The following UBE2Q2 variants were observed in gnomAD, a reference collection of about 807,000 sequenced individuals.
UBE2Q2 encodes the protein ubiquitin conjugating enzyme E2 Q2, also known as ubiquitin-conjugating enzyme E2 Q2.
UBE2Q2 carries 54 observed loss-of-function variants against 59.9 expected under a neutral mutation model. The ratio of observed to expected loss-of-function variants is 0.90; its 90% CI spans 0.72 to 1.13. The LOEUF (loss-of-function observed/expected upper bound fraction) is 1.13, where lower values mean the gene tolerates loss of function less well. UBE2Q2 is among the 50% of genes most tolerant of loss of function. The pLI, the probability that UBE2Q2 is intolerant of heterozygous loss-of-function variation, is 0.00. For synonymous variants in UBE2Q2, 165 were observed against 155.2 expected, an observed-to-expected ratio of 1.06 and a Z score of -0.47; for missense variants, 433 against 441.9, an observed-to-expected ratio of 0.98 and a Z score of 0.18.
chr15:75,875,850 A>G (rs192696542), intron 5 of UBE2Q2, among the ~76,000 whole-genome samples: 2 of 152,140 alleles, frequency 1.3e-5, no homozygotes, highest in Non-Finnish European at 2.9e-5. Context: ...CCACGAGGTC[A>G]AGAGATTGAG....
chr15:75,861,116 G>A (rs1339145424), intron 3 of UBE2Q2, among the ~76,000 whole-genome samples: 4 of 152,122 alleles, frequency 2.6e-5, no homozygotes, highest in Admixed American at 1.3e-4. Context: ...CTATGTTTTG[G>A]GGGAACTATG....
intron 12 of UBE2Q2, among the ~76,000 whole-genome samples, chr15:75,898,209 T>C (rs1454739230): frequency 6.6e-6 from 1 of 152,194 alleles, no homozygotes; most frequent in African/African-American, 2.4e-5. Flanking sequence ...TCTTCTTATC[T>C]TTGTTTTTAT....
Position 75,881,837 on chromosome 15 carries a change from C to G in UBE2Q2, c.826-1529C>G, listed in dbSNP as rs533387449. ...AGTCACTTTTTGGTGTTTCGGGCAGCATCTGAATTACTGAATTGAATTCTG... is the reference window on the plus strand; with the variant it reads ...AGTCACTTTTTGGTGTTTCGGGCAGGATCTGAATTACTGAATTGAATTCTG... On this transcript the variant is annotated intron_variant, in intron 8 of 12. Coordinates refer to ENST00000267938, the MANE Select transcript of UBE2Q2 (RefSeq NM_173469.4). Among the ~76,000 whole-genome samples the G allele has an allele frequency of 1.8e-4, 27 of 152,268 alleles. 1 individual carries two copies. In the South Asian group the frequency reaches 5.6e-3, roughly 32 times the overall value.
chr15:75,881,830 C>T (rs778258855), intron 8 of UBE2Q2, among the ~76,000 whole-genome samples: 12 of 152,074 alleles, frequency 7.9e-5, no homozygotes, highest in Non-Finnish European at 1.3e-4. Flanking sequence ...TTTGGTGTTT[C>T]GGGCAGCATC....
At chr15:75,881,653 G>A (rs1281599323) in intron 8 of UBE2Q2, among the ~76,000 whole-genome samples, 1 of 152,188 alleles carries the variant, frequency 6.6e-6, no homozygotes, top group Non-Finnish European at 1.5e-5. Flanking sequence ...TTGCAGGAAA[G>A]AGCCAGAACA....
At chr15:75,891,555 C>A (rs1899108763) in intron 11 of UBE2Q2, among the ~76,000 whole-genome samples, 1 of 149,226 alleles carries the variant, frequency 6.7e-6, no homozygotes, top group Non-Finnish European at 1.5e-5. Flanking sequence ...CTATTATTAT[C>A]TGCATTTTGT....
chr15:75,877,894 C>A, intron 6 of UBE2Q2, 67 bp from the exon 7 acceptor site: 1 of 1,468,662 alleles, frequency 6.8e-7, no homozygotes, highest in Non-Finnish European at 9.4e-7. Context: ...TTAGTGTATA[C>A]ATTTATACCA....
chr15:75,895,960 T>TG (rs1207397116), intron 11 of UBE2Q2, among the ~76,000 whole-genome samples: 5 of 152,216 alleles, frequency 3.3e-5, no homozygotes, highest in Non-Finnish European at 7.3e-5. Flanking sequence ...GAAACCCTGA[T>TG]GTCCACCAAT....
At chr15:75,877,124 G>T (rs890324262) in intron 6 of UBE2Q2, among the ~76,000 whole-genome samples, 1 of 114,316 alleles carries the variant, frequency 8.7e-6, no homozygotes, top group African/African-American at 3.3e-5. Context: ...TTGCACCACC[G>T]CACTCCAGCC....
Position 75,873,585 on chromosome 15 carries a change from A to C in UBE2Q2, c.588+17A>C. On this transcript the variant is annotated intron_variant, in intron 5 of 12. Coordinates refer to ENST00000267938, the MANE Select transcript of UBE2Q2 (RefSeq NM_173469.4). ...CATTTAAATGTAAGTGTGTGTAGAT[A>C]TCTAGAACCTGGACTTTTGTGGTTA... 6.3e-7 allele frequency: 1 copy of C among 1,594,428 alleles called. No homozygotes were observed. Among genetic ancestry groups the C allele is most frequent in the Non-Finnish European group, 8.5e-7 (1 of 1,173,576 alleles).
At chr15:75,858,533 T>C (rs1340206500) in intron 2 of UBE2Q2, among the ~76,000 whole-genome samples, 6 of 152,196 alleles carry the variant, frequency 3.9e-5, no homozygotes, top group Non-Finnish European at 8.8e-5. Flanking sequence ...TGTCTCTTAC[T>C]ATTTTCCCTG....
intron 8 of UBE2Q2, among the ~76,000 whole-genome samples, chr15:75,880,102 G>GT (rs760775861): frequency 2.9e-4 from 43 of 150,484 alleles, no homozygotes; most frequent in South Asian, 6.3e-4. Flanking sequence ...ATTTAATAAG[G>GT]TTTTTTTTTG....
At chr15:75,876,076 A>AAAAG (rs1411823862) in intron 5 of UBE2Q2, 111 bp from the exon 6 acceptor site, 2 of 1,121,424 alleles carry the variant, frequency 1.8e-6, no homozygotes, top group African/African-American at 3.2e-5. Flanking sequence ...AAAAAAAAAA[A>AAAAG]AAAAAAATGT....
At chr15:75,863,633 T>A (rs952850276) in intron 3 of UBE2Q2, among the ~76,000 whole-genome samples, 1 of 150,814 alleles carries the variant, frequency 6.6e-6, no homozygotes, top group African/African-American at 2.4e-5. Context: ...ACATCTATGA[T>A]CACCTGGCCA....
At chr15:75,890,512 A>G in intron 10 of UBE2Q2, 29 bp downstream of exon 10, 1 of 1,597,214 alleles carries the variant, frequency 6.3e-7, no homozygotes, top group South Asian at 1.1e-5. Flanking sequence ...CTCCATTTTC[A>G]CCCACAATTT....
At chr15:75,894,417 C>T (rs1036736717) in intron 11 of UBE2Q2, among the ~76,000 whole-genome samples, 9 of 151,862 alleles carry the variant, frequency 5.9e-5, no homozygotes, top group Non-Finnish European at 1.0e-4. Flanking sequence ...AAAAACAAAA[C>T]AAAACAAAAC....
intron 1 of UBE2Q2, 137 bp from the exon 2 acceptor site, chr15:75,854,249 G>C: frequency 1.7e-6 from 1 of 576,678 alleles, no homozygotes; most frequent in Non-Finnish European, 3.0e-6. Flanking sequence ...TCCTCACAAG[G>C]TTTTTAATAT....
At chr15:75,844,471 C>T (rs371812398) in intron 1 of UBE2Q2, 78 of 1,551,478 alleles carry the variant, frequency 5.0e-5, no homozygotes, top group Middle Eastern at 1.7e-4. Context: ...GAGCATAGTA[C>T]CGTCGTTGCG....
intron 2 of UBE2Q2, among the ~76,000 whole-genome samples, chr15:75,858,311 G>A (rs573351118): frequency 1.3e-5 from 2 of 152,224 alleles, no homozygotes; most frequent in African/African-American, 4.8e-5. Flanking sequence ...AAATGATGAC[G>A]TTTAAATTTG....
Sources: allele counts gnomAD v4.1 joint callset (sites outside exome capture counted in the v4.1 genomes callset), GRCh38; gene constraint gnomAD v4.1.1; transcripts MANE v1.5; gene names NCBI Gene and HGNC (gene_info 2026-07-23, HGNC 2026-07-21).